DENND2B: variants seen among roughly 807,000 people sequenced by gnomAD.
The protein encoded by DENND2B is DENN domain containing 2B, also known as DENN domain-containing protein 2B.
DENND2B carries 32 observed loss-of-function variants against 116.0 expected under a neutral mutation model. The observed-to-expected ratio is 0.28, with a 90% CI of 0.21 to 0.37. The LOEUF (loss-of-function observed/expected upper bound fraction) is 0.37, where lower values mean the gene tolerates loss of function less well. DENND2B is among the 10% of genes least tolerant of loss of function. The probability of loss-of-function intolerance (pLI) is 1.00; values close to 1 mark genes in which losing one functional copy is unlikely to be tolerated. For missense variants in DENND2B, 1,276 were observed against 1,477.7 expected (o/e 0.86, Z 2.24); for synonymous variants, 588 against 583.9 (o/e 1.01, Z -0.10).
intron 2 of DENND2B, among the ~76,000 whole-genome samples, chr11:8,740,959 A>C (rs1209139468): frequency 6.6e-6 from 1 of 152,252 alleles, no homozygotes; most frequent in Non-Finnish European, 1.5e-5. Context: ...CCTAGAGCAG[A>C]AACTTGCCCA....
At chr11:8,723,799 C>T (rs1452487310) in intron 4 of DENND2B, among the ~76,000 whole-genome samples, 1 of 152,202 alleles carries the variant, frequency 6.6e-6, no homozygotes, top group Non-Finnish European at 1.5e-5. Context: ...AACTCTTTTG[C>T]GGTTCTAGGG....
chr11:8,833,703 AC>A (rs35038855), intron 4 of DENND2B, among the ~76,000 whole-genome samples: 2 of 151,944 alleles, frequency 1.3e-5, no homozygotes, highest in African/African-American at 4.8e-5. Flanking sequence ...GGCTCTGGAC[AC>A]CCCCACATGC....
chr11:8,797,691 C>A (rs571541908), intron 1 of DENND2B, among the ~76,000 whole-genome samples: 96 of 152,156 alleles, frequency 6.3e-4, no homozygotes, highest in African/African-American at 2.2e-3. Flanking sequence ...TTCCAGCGAT[C>A]CTCCCGCTTC....
chr11:8,739,264 C>T lies in DENND2B; in HGVS notation c.81-8055G>A, dbSNP rs556116567. ...CGAAGCACTCGGTGCAGCCCAGTATCGCCGTCAGCCCCCGAAGCCCTCTCC... is the reference window on the plus strand; with the variant it reads ...CGAAGCACTCGGTGCAGCCCAGTATTGCCGTCAGCCCCCGAAGCCCTCTCC... On this transcript the variant is annotated intron_variant, in intron 2 of 19. Transcript: ENST00000313726. Among the ~76,000 whole-genome samples the T allele has an allele frequency of 6.6e-5, 10 of 152,258 alleles. 1 individual carries two copies. Among genetic ancestry groups the T allele is most frequent in the African/African-American group, 1.9e-4 (8 of 41,556 alleles).
intron 4 of DENND2B, among the ~76,000 whole-genome samples, chr11:8,818,808 CAACT>C (rs1484265014): frequency 6.6e-6 from 1 of 152,102 alleles, no homozygotes; most frequent in Admixed American, 6.6e-5. Flanking sequence ...TAAAACCAAC[CAACT>C]AATCAATCCA....
chr11:8,872,670 G>C (rs1311101418), upstream of DENND2B, among the ~76,000 whole-genome samples: 1 of 152,142 alleles, frequency 6.6e-6, no homozygotes, highest in Non-Finnish European at 1.5e-5. Flanking sequence ...CCAAAGGACA[G>C]TTTGGCCTTT....
upstream of DENND2B, among the ~76,000 whole-genome samples, chr11:8,873,020 GCCC>G (rs2063806694): frequency 6.6e-6 from 1 of 152,112 alleles, no homozygotes; most frequent in African/African-American, 2.4e-5. Flanking sequence ...GGATGGTTCT[GCCC>G]CAAACGTGGA....
chr11:8,695,229 C>G (rs1034941371), intron 19 of DENND2B, among the ~76,000 whole-genome samples: 1 of 152,100 alleles, frequency 6.6e-6, no homozygotes, highest in Non-Finnish European at 1.5e-5. Flanking sequence ...ATTTTGGTAT[C>G]CTTGGGTATC....
intron 2 of DENND2B, among the ~76,000 whole-genome samples, chr11:8,869,534 C>T (rs935604060): frequency 6.6e-6 from 1 of 151,710 alleles, no homozygotes; most frequent in East Asian, 1.9e-4. Context: ...TAGTGGCAGG[C>T]GCCTATAATC....
At chr11:8,863,035 G>A (rs1013858535) in intron 2 of DENND2B, among the ~76,000 whole-genome samples, 4 of 151,994 alleles carry the variant, frequency 2.6e-5, no homozygotes, top group African/African-American at 9.7e-5. Flanking sequence ...GCTACTCATG[G>A]AGGTTTTAAA....
At chr11:8,771,712 G>A (rs923413770) in intron 1 of DENND2B, 4 of 152,096 alleles carry the variant, frequency 2.6e-5, no homozygotes, top group Middle Eastern at 3.4e-3. Context: ...TATTTCTTAC[G>A]GTTCCAGAGG....
At chr11:8,820,613 T>C (rs2061725031) in intron 4 of DENND2B, among the ~76,000 whole-genome samples, 1 of 152,242 alleles carries the variant, frequency 6.6e-6, no homozygotes, top group South Asian at 2.1e-4. Flanking sequence ...TGTATGTGCA[T>C]GTGTGTAAAA....
In DENND2B at chr11:8,705,665, A is replaced by G. The variant is rs528345913; in HGVS notation, c.2571+1420T>C. On this transcript the variant is annotated intron_variant, in intron 13 of 19. Coordinates refer to ENST00000313726, the MANE Select transcript of DENND2B (RefSeq NM_213618.2). ...CCTCCTCATTACCTGCTTCTCCTTC[A>G]CGAGCTCCCATCTCAGTACATGGCT... Among the ~76,000 whole-genome samples, 7 of 152,162 alleles carry G rather than the reference A, an allele frequency of 4.6e-5. No homozygotes were observed. The East Asian group carries it at 1.2e-3, about 25-fold the overall frequency.
chr11:8,715,828 G>A lies in DENND2B; in HGVS notation c.1630-10C>T. On this transcript the variant is annotated splice_polypyrimidine_tract_variant and intron_variant, in intron 5 of 19. Transcript: ENST00000313726. ...TGGGTTTCAGGGAAAGCTGGCGTGG[G>A]GGAGAGGACGTGCGAGAGGGGCTTG... is the stretch of plus-strand genomic sequence containing the variant. 2 of 1,589,344 alleles carry A rather than the reference G, an allele frequency of 1.3e-6. No individual in the cohort carries two copies. Among genetic ancestry groups the A allele is most frequent in the Non-Finnish European group, 8.6e-7 (1 of 1,164,362 alleles).
chr11:8,740,447 T>C (rs1380434264), intron 2 of DENND2B, among the ~76,000 whole-genome samples: 1 of 152,164 alleles, frequency 6.6e-6, no homozygotes, highest in Non-Finnish European at 1.5e-5. Flanking sequence ...GGAACTTTTC[T>C]GGAGGGAAGG....
Position 8,771,566 on chromosome 11 carries a change from A to AGAGAGAGAGAGAGAGAGAGAGCGC in DENND2B, c.-25-20842_-25-20841insGCGCTCTCTCTCTCTCTCTCTCTC, listed in dbSNP as rs146752028. 12 of 120,380 alleles carry AGAGAGAGAGAGAGAGAGAGAGCGC rather than the reference A, an allele frequency of 1.0e-4. No homozygotes were observed. The East Asian group carries it at 1.8e-3, about 18-fold the overall frequency. 7.5% of individuals were successfully genotyped at this position (120,380 alleles called of 1,614,324 possible). ...GAGAGAGAGAGAGAGAGAGAGAGAG[A>AGAGAGAGAGAGAGAGAGAGAGCGC]GCCTTCTTCCCAGTTCTGGGCACAG... On this transcript the variant is annotated intron_variant, in intron 1 of 19. Transcript: ENST00000313726.
At chr11:8,823,383 T>C (rs2134552721) in intron 4 of DENND2B, among the ~76,000 whole-genome samples, 1 of 152,300 alleles carries the variant, frequency 6.6e-6, no homozygotes, top group African/African-American at 2.4e-5. Context: ...CCTAGAAGTT[T>C]AGGCACATCC....
rs183574562 is a variant in DENND2B, at chr11:8,851,211, G to A, written c.-156+6132C>T. Among the ~76,000 whole-genome samples the A allele has an allele frequency of 3.3e-4, 50 of 152,084 alleles. No individual in the cohort carries two copies. The East Asian group carries it at 7.3e-3, about 22-fold the overall frequency. On this transcript the variant is annotated intron_variant, in intron 3 of 6. Transcript: ENST00000524757. ...CTCACCCTCAAAAAAACATAGGTATGTAAGGTAATGTATGTTAATGAGCAT... is the reference window on the plus strand; with the variant it reads ...CTCACCCTCAAAAAAACATAGGTATATAAGGTAATGTATGTTAATGAGCAT...
chr11:8,827,808 G>A (rs555790498), intron 4 of DENND2B, among the ~76,000 whole-genome samples: 25 of 152,360 alleles, frequency 1.6e-4, no homozygotes, highest in Non-Finnish European at 3.1e-4. Flanking sequence ...AAGAGAGACA[G>A]CTCAACGACA....
Sources: allele counts gnomAD v4.1 joint callset (sites outside exome capture counted in the v4.1 genomes callset), GRCh38; gene constraint gnomAD v4.1.1; transcripts MANE v1.5; gene names NCBI Gene and HGNC (gene_info 2026-07-23, HGNC 2026-07-21).